Variants in HS2ST1 observed in about 807,000 individuals in gnomAD.
The protein encoded by HS2ST1 is 2-O-sulfotransferase.
Under a neutral mutation model 42.9 loss-of-function variants are expected in HS2ST1, and 18 were observed. That is an observed-to-expected ratio of 0.42 (90% CI 0.29 to 0.62). HS2ST1 has a LOEUF of 0.62. Ranked by LOEUF, HS2ST1 falls within the 20% of genes least tolerant of loss-of-function variation. HS2ST1 has a pLI of 0.21. For synonymous variants in HS2ST1, 146 were observed against 152.9 expected (o/e 0.95, Z 0.33); for missense variants, 334 against 433.8 (o/e 0.77, Z 2.04).
chr1:86,972,513 C>T (rs1648261914), intron 1 of HS2ST1, among the ~76,000 whole-genome samples: 1 of 152,092 alleles, frequency 6.6e-6, no homozygotes, highest in East Asian at 1.9e-4. Context: ...CCACACCTGG[C>T]TATTTTATTA....
chr1:86,954,342 C>G (rs1436781512), intron 1 of HS2ST1, among the ~76,000 whole-genome samples: 1 of 151,858 alleles, frequency 6.6e-6, no homozygotes, highest in African/African-American at 2.4e-5. Flanking sequence ...GAGCAAGACT[C>G]TGTCTCCAAA....
intron 1 of HS2ST1, among the ~76,000 whole-genome samples, chr1:87,019,996 A>G (rs1056037423): frequency 5.9e-5 from 9 of 152,218 alleles, no homozygotes; most frequent in Admixed American, 3.3e-4. Flanking sequence ...GTATAAGTCA[A>G]TTTGAATAAC....
intron 1 of HS2ST1, among the ~76,000 whole-genome samples, chr1:86,938,266 A>T (rs1660695664): frequency 6.6e-6 from 1 of 152,124 alleles, no homozygotes; most frequent in African/African-American, 2.4e-5. Flanking sequence ...TTTCTTGCTG[A>T]GGTACACAGC....
At chr1:87,018,364 C>G (rs772560496) in intron 1 of HS2ST1, among the ~76,000 whole-genome samples, 13 of 152,148 alleles carry the variant, frequency 8.5e-5, no homozygotes, top group Admixed American at 5.9e-4. Flanking sequence ...TTCCCTGGCT[C>G]CTAAAGTGCA....
At chr1:87,101,149 G>GGTT (rs1652189494) in intron 5 of HS2ST1, among the ~76,000 whole-genome samples, 3 of 59,568 alleles carry the variant, frequency 5.0e-5, no homozygotes, top group South Asian at 7.2e-4. Context: ...GTGTGTGTGT[G>GGTT]TTTTTTGTTT....
chr1:87,006,550 T>G (rs1443093206), intron 1 of HS2ST1, among the ~76,000 whole-genome samples: 1 of 152,148 alleles, frequency 6.6e-6, no homozygotes, highest in Non-Finnish European at 1.5e-5. Context: ...CACAGATGAT[T>G]AATAGCCAAA....
intron 1 of HS2ST1, 54 bp downstream of exon 1, chr1:86,915,214 C>G: frequency 6.4e-7 from 1 of 1,554,298 alleles, no homozygotes; most frequent in South Asian, 1.2e-5. Flanking sequence ...CGAGGAGGCG[C>G]TGCCGCCGGA....
At chr1:87,095,938 A>C (rs1201594353) in intron 4 of HS2ST1, among the ~76,000 whole-genome samples, 1 of 149,086 alleles carries the variant, frequency 6.7e-6, no homozygotes, top group African/African-American at 2.5e-5. Flanking sequence ...TCTTTTTATC[A>C]TCTGGCTTAC....
At chr1:87,037,034 G>T (rs1415714800) in intron 1 of HS2ST1, among the ~76,000 whole-genome samples, 2 of 151,800 alleles carry the variant, frequency 1.3e-5, no homozygotes, top group Non-Finnish European at 2.9e-5. Flanking sequence ...TCTTTTTCCT[G>T]TTCTAACGAA....
chr1:86,935,273 T>C (rs954559422), intron 1 of HS2ST1, among the ~76,000 whole-genome samples: 2 of 151,890 alleles, frequency 1.3e-5, no homozygotes, highest in Non-Finnish European at 2.9e-5. Flanking sequence ...TTGTTGCATA[T>C]GAACCTCAGA....
At chr1:87,027,701 T>C (rs1164018646) in intron 1 of HS2ST1, among the ~76,000 whole-genome samples, 2 of 152,188 alleles carry the variant, frequency 1.3e-5, no homozygotes, top group Admixed American at 1.3e-4. Flanking sequence ...ATGTTTTTTC[T>C]TTTTTTGAGA....
At chr1:87,079,132 C>CTT (rs11454448) in intron 2 of HS2ST1, among the ~76,000 whole-genome samples, 141 of 147,846 alleles carry the variant, frequency 9.5e-4, no homozygotes, top group East Asian at 3.0e-3. Flanking sequence ...GTAAATGATA[C>CTT]TTTTTTTTTT....
chr1:87,088,196 G>A (rs956793403), intron 3 of HS2ST1, among the ~76,000 whole-genome samples: 1 of 152,026 alleles, frequency 6.6e-6, no homozygotes, highest in Non-Finnish European at 1.5e-5. Context: ...ATTGGGCATT[G>A]TATAAGACTC....
Position 86,921,118 on chromosome 1 carries a change from C to T in HS2ST1, c.124+5958C>T, listed in dbSNP as rs565702389. On this transcript the variant is annotated intron_variant, in intron 1 of 6. Transcript: ENST00000370550. The stretch of plus-strand genomic sequence containing the variant: ...AAAAAAAACTATCTTGGTAAATGTT[C>T]CAGGTGAACGTGAAAAATATGTATT... Among the ~76,000 whole-genome samples the T allele has an allele frequency of 3.5e-4, 53 of 152,050 alleles. 1 individual carries two copies. The highest frequency in any genetic ancestry group is 3.8e-4 in the Non-Finnish European group (26 of 67,996).
chr1:86,946,194 T>C (rs1647330808), intron 1 of HS2ST1, among the ~76,000 whole-genome samples: 1 of 152,234 alleles, frequency 6.6e-6, no homozygotes, highest in Non-Finnish European at 1.5e-5. Context: ...CGTATTTTTG[T>C]TATTATTGTT....
intron 1 of HS2ST1, among the ~76,000 whole-genome samples, chr1:87,011,514 A>G (rs1193433361): frequency 6.6e-6 from 1 of 152,126 alleles, no homozygotes; most frequent in Non-Finnish European, 1.5e-5. Context: ...AAGTGCTGAG[A>G]TTACAGGCAT....
intron 1 of HS2ST1, chr1:87,045,512 G>C: frequency 4.6e-6 from 4 of 874,512 alleles, no homozygotes; most frequent in Non-Finnish European, 5.9e-6. Flanking sequence ...CACCTGGCTT[G>C]CTGGCACATA....
chr1:86,973,401 T>C (rs1400592412), intron 1 of HS2ST1, among the ~76,000 whole-genome samples: 1 of 152,124 alleles, frequency 6.6e-6, no homozygotes, highest in South Asian at 2.1e-4. Flanking sequence ...GATGTAAATC[T>C]TGTAGTATCA....
intron 1 of HS2ST1, among the ~76,000 whole-genome samples, chr1:86,982,724 C>A (rs913365983): frequency 1.3e-5 from 2 of 152,156 alleles, no homozygotes; most frequent in African/African-American, 4.8e-5. Flanking sequence ...CCGTGTTAGC[C>A]AGGATGGTCT....
Sources: allele counts gnomAD v4.1 joint callset (sites outside exome capture counted in the v4.1 genomes callset), GRCh38; gene constraint gnomAD v4.1.1; transcripts MANE v1.5; gene names NCBI Gene and HGNC (gene_info 2026-07-23, HGNC 2026-07-21).